Variants in PTPRK observed in about 807,000 individuals in gnomAD.
PTPRK encodes receptor-type tyrosine-protein phosphatase kappa.
In PTPRK, 75 loss-of-function variants were observed where a neutral mutation model predicts 178.0. The observed-to-expected ratio is 0.42, with a 90% CI of 0.35 to 0.51. PTPRK has a LOEUF of 0.51. Among genes scored for constraint, PTPRK ranks in the 20% least tolerant of loss-of-function variants. PTPRK has a pLI of 0.02. For synonymous variants in PTPRK, 637 were observed against 620.6 expected, an observed-to-expected ratio of 1.03 and a Z score of -0.39; for missense variants, 1,441 against 1,797.8, an observed-to-expected ratio of 0.80 and a Z score of 3.59.
chr6:128,329,696 C>T (rs1295079332), intron 2 of PTPRK, among the ~76,000 whole-genome samples: 2 of 151,718 alleles, frequency 1.3e-5, no homozygotes, highest in Non-Finnish European at 1.5e-5. Context: ...GTACTTCAAG[C>T]GATTGGATGA....
At chr6:128,503,730 G>A (rs1855888663) in intron 1 of PTPRK, among the ~76,000 whole-genome samples, 1 of 152,086 alleles carries the variant, frequency 6.6e-6, no homozygotes. Context: ...CTAGAGTGCA[G>A]TGCCCAATCA....
intron 1 of PTPRK, among the ~76,000 whole-genome samples, chr6:128,410,531 C>A (rs963769812): frequency 6.6e-6 from 1 of 152,170 alleles, no homozygotes; most frequent in Admixed American, 6.5e-5. Context: ...AATATTATTT[C>A]TACCAAAACA....
At chr6:128,094,691 A>G (rs1787611130) in intron 7 of PTPRK, among the ~76,000 whole-genome samples, 1 of 152,168 alleles carries the variant, frequency 6.6e-6, no homozygotes, top group Non-Finnish European at 1.5e-5. Context: ...TACGAGCAAT[A>G]CTTGAACTGA....
At chr6:128,133,036 C>A (rs1418866473) in intron 7 of PTPRK, among the ~76,000 whole-genome samples, 3 of 152,100 alleles carry the variant, frequency 2.0e-5, no homozygotes, top group Non-Finnish European at 4.4e-5. Flanking sequence ...ACTCATTAGT[C>A]AAAAATTCCA....
chr6:128,125,173 G>A (rs931696112), intron 7 of PTPRK, among the ~76,000 whole-genome samples: 14 of 152,126 alleles, frequency 9.2e-5, no homozygotes. Context: ...CTTCAGACTT[G>A]GTGATATAGC....
At chr6:128,117,798 G>T in intron 7 of PTPRK, among the ~76,000 whole-genome samples, 1 of 151,938 alleles carries the variant, frequency 6.6e-6, no homozygotes, top group Admixed American at 6.6e-5. Context: ...GATTACAGGC[G>T]CCCACCACCA....
At position 128,158,235 on chromosome 6, in the gene PTPRK, G is replaced by A. The variant is rs1186574161; in HGVS notation, c.1162+26197C>T. On this transcript the variant is annotated intron_variant, in intron 7 of 29. Coordinates refer to ENST00000368226, the MANE Select transcript of PTPRK (RefSeq NM_002844.4). ...TGAGAACACTTGGACACAGGGAGAG[G>A]AACATCACACACTGGGGCCTGTCGT... 4.0e-5 allele frequency among the ~76,000 whole-genome samples: 6 copies of A among 151,722 alleles called. No homozygotes were observed. In the East Asian group the frequency reaches 1.2e-3, roughly 30 times the overall value.
At chr6:128,421,978 T>A (rs1381313821) in intron 1 of PTPRK, among the ~76,000 whole-genome samples, 1 of 152,200 alleles carries the variant, frequency 6.6e-6, no homozygotes, top group Admixed American at 6.5e-5. Flanking sequence ...ATACAAAGGC[T>A]CATCCACCTA....
At chr6:128,320,931 TC>T (rs1828701520) in intron 3 of PTPRK, 1 of 152,062 alleles carries the variant, frequency 6.6e-6, no homozygotes, top group Non-Finnish European at 1.5e-5. Context: ...CTAATGAAAA[TC>T]CATTGAAAAC....
chr6:128,374,468 C>A (rs1176005837), intron 2 of PTPRK, among the ~76,000 whole-genome samples: 1 of 152,090 alleles, frequency 6.6e-6, no homozygotes. Context: ...CAAACATCTG[C>A]CCCTCTCACA....
At chr6:128,239,124 TG>T (rs145676687) in intron 5 of PTPRK, among the ~76,000 whole-genome samples, 2 of 142,480 alleles carry the variant, frequency 1.4e-5, no homozygotes, top group Non-Finnish European at 3.0e-5. Flanking sequence ...AAACTCATCT[TG>T]TTTTTTTTTT....
At chr6:128,315,176 ATCTGTT>A (rs1827831102) in intron 3 of PTPRK, among the ~76,000 whole-genome samples, 1 of 152,148 alleles carries the variant, frequency 6.6e-6, no homozygotes. Flanking sequence ...GAACCATGGT[ATCTGTT>A]TCTAATTATT....
Position 127,981,220 on chromosome 6 carries a change from C to G in PTPRK, c.3607G>C (p.Asp1203His). ...AGCATGTCCATGAAACGGTTCTTGT[C>G]ATGGTTCCTTGGCAGGCACGCTATA... is the stretch of plus-strand genomic sequence containing the variant. ...CSIACLPRNH[D>H]KNRFMDMLPP... The change falls in exon 25 of 30, where the codon GAC becomes CAC. Residue 1203 changes from aspartate to histidine, a missense_variant. This residue lies in a region of PTPRK where 335 missense variants were observed against 512.4 expected (regional missense o/e 0.65). Coordinates refer to ENST00000368226, the MANE Select transcript of PTPRK (RefSeq NM_002844.4). 1 of 1,613,944 alleles carries G rather than the reference C, an allele frequency of 6.2e-7. No homozygotes were observed. Among genetic ancestry groups the G allele is most frequent in the African/African-American group, 1.3e-5 (1 of 75,002 alleles).
At chr6:128,451,833 T>C (rs1847833014) in intron 1 of PTPRK, among the ~76,000 whole-genome samples, 1 of 152,268 alleles carries the variant, frequency 6.6e-6, no homozygotes. Flanking sequence ...AATGGGTACT[T>C]GAACCAAAAA....
At chr6:128,385,531 T>C (rs1289822018) in intron 2 of PTPRK, among the ~76,000 whole-genome samples, 1 of 152,202 alleles carries the variant, frequency 6.6e-6, no homozygotes, top group Non-Finnish European at 1.5e-5. Flanking sequence ...TACAGTCATG[T>C]CCATATATTC....
At chr6:128,182,105 A>T (rs993091306) in intron 7 of PTPRK, among the ~76,000 whole-genome samples, 2 of 152,162 alleles carry the variant, frequency 1.3e-5, no homozygotes, top group African/African-American at 2.4e-5. Context: ...AATTCACTAC[A>T]TGTGAAAGAT....
intron 3 of PTPRK, among the ~76,000 whole-genome samples, chr6:128,303,059 C>T (rs1825876861): frequency 6.6e-6 from 1 of 152,122 alleles, no homozygotes; most frequent in Admixed American, 6.5e-5. Flanking sequence ...ATTAGAAAAC[C>T]AGGCAACATG....
At chr6:128,382,751 A>G (rs1425986361) in intron 2 of PTPRK, among the ~76,000 whole-genome samples, 3 of 151,962 alleles carry the variant, frequency 2.0e-5, no homozygotes, top group Non-Finnish European at 4.4e-5. Flanking sequence ...AAAATTATAA[A>G]TTGTTTTTAT....
At chr6:128,037,652 C>A (rs1292549020) in intron 13 of PTPRK, among the ~76,000 whole-genome samples, 1 of 151,966 alleles carries the variant, frequency 6.6e-6, no homozygotes, top group East Asian at 1.9e-4. Context: ...GGAGCAAAAC[C>A]CAGTCAGATT....
Sources: allele counts gnomAD v4.1 joint callset (sites outside exome capture counted in the v4.1 genomes callset), GRCh38; gene constraint gnomAD v4.1.1; regional missense constraint gnomAD v4.1.1; transcripts MANE v1.5; gene names NCBI Gene and HGNC (gene_info 2026-07-23, HGNC 2026-07-21).